LRRC7: variants seen among roughly 807,000 people sequenced by gnomAD.
The protein encoded by LRRC7 is leucine rich repeat containing 7.
A neutral mutation model predicts 175.7 loss-of-function variants in LRRC7; 23 were observed. The ratio of observed to expected loss-of-function variants is 0.13; its 90% CI spans 0.09 to 0.19. The LOEUF is 0.19. Ranked by LOEUF, LRRC7 falls within the 10% of genes least tolerant of loss-of-function variation. The probability of loss-of-function intolerance (pLI) is 1.00; values close to 1 mark genes in which losing one functional copy is unlikely to be tolerated. For synonymous variants in LRRC7, 685 were observed against 680.9 expected (o/e 1.01, Z -0.09); for missense variants, 1,354 against 1,904.7 (o/e 0.71, Z 5.38).
intron 24 of LRRC7, among the ~76,000 whole-genome samples, chr1:70,085,115 C>G (rs1464777454): frequency 6.6e-6 from 1 of 151,990 alleles, no homozygotes; most frequent in Non-Finnish European, 1.5e-5. Flanking sequence ...TTTTGATGGT[C>G]TTCTTTGAAG....
intron 5 of LRRC7, among the ~76,000 whole-genome samples, chr1:69,827,895 A>G (rs978298277): frequency 6.6e-6 from 1 of 152,136 alleles, no homozygotes; most frequent in African/African-American, 2.4e-5. Flanking sequence ...TAACAAATGT[A>G]TACAGTCATG....
chr1:69,947,607 A>G (rs962867711), intron 8 of LRRC7, among the ~76,000 whole-genome samples: 2 of 151,962 alleles, frequency 1.3e-5, no homozygotes, highest in Non-Finnish European at 2.9e-5. Context: ...TTATATATCT[A>G]TCAACTTATT....
At chr1:69,844,775 A>G (rs757794088) in intron 7 of LRRC7, among the ~76,000 whole-genome samples, 2 of 152,136 alleles carry the variant, frequency 1.3e-5, no homozygotes, top group African/African-American at 2.4e-5. Flanking sequence ...ATATTTTACC[A>G]TACTGTTTTC....
intron 1 of LRRC7, among the ~76,000 whole-genome samples, chr1:69,676,841 G>T (rs1659834127): frequency 6.6e-6 from 1 of 151,684 alleles, no homozygotes. Context: ...CACATGAATT[G>T]TATATTGGTG....
At chr1:70,115,532 A>G (rs1665795460) in intron 26 of LRRC7, among the ~76,000 whole-genome samples, 1 of 152,174 alleles carries the variant, frequency 6.6e-6, no homozygotes, top group Non-Finnish European at 1.5e-5. Context: ...CTCTGGAGCA[A>G]ATTTTGCTGA....
intron 23 of LRRC7, among the ~76,000 whole-genome samples, chr1:70,053,993 T>C (rs1346607335): frequency 1.3e-5 from 2 of 152,192 alleles, no homozygotes; most frequent in African/African-American, 4.8e-5. Context: ...CGTTTGTAGG[T>C]ATAAGAGCAA....
chr1:69,638,681 G>T (rs1653755932), intron 1 of LRRC7, among the ~76,000 whole-genome samples: 2 of 151,642 alleles, frequency 1.3e-5, no homozygotes, highest in African/African-American at 4.8e-5. Context: ...CTATTTCTTT[G>T]TTTTATGAAA....
chr1:70,045,423 T>C (rs1361807987), intron 22 of LRRC7, among the ~76,000 whole-genome samples: 2 of 152,110 alleles, frequency 1.3e-5, no homozygotes, highest in African/African-American at 2.4e-5. Flanking sequence ...CCAATACAAA[T>C]TGGCTCCAAC....
At chr1:69,791,612 TAAAC>T (rs1675131241) in intron 3 of LRRC7, among the ~76,000 whole-genome samples, 1 of 152,080 alleles carries the variant, frequency 6.6e-6, no homozygotes, top group Admixed American at 6.5e-5. Flanking sequence ...GCATATTTGA[TAAAC>T]AACTGTTCAA....
intron 1 of LRRC7, among the ~76,000 whole-genome samples, chr1:69,644,670 C>T (rs1268088414): frequency 1.3e-5 from 2 of 151,940 alleles, no homozygotes; most frequent in African/African-American, 2.4e-5. Context: ...AGAGTAAACA[C>T]TTCCCAATTA....
intron 7 of LRRC7, among the ~76,000 whole-genome samples, chr1:69,909,460 G>A (rs1230755892): frequency 6.6e-6 from 1 of 152,132 alleles, no homozygotes; most frequent in Non-Finnish European, 1.5e-5. Flanking sequence ...TTTTAGGGCA[G>A]GCCTGGGGGT....
chr1:69,716,233 AT>A, intron 2 of LRRC7: 1 of 474,798 alleles, frequency 2.1e-6, no homozygotes, highest in South Asian at 5.1e-5. Context: ...ATACTATATT[AT>A]TTTACTATGC....
At chr1:69,876,515 A>G (rs569237892) in intron 7 of LRRC7, among the ~76,000 whole-genome samples, 1 of 152,308 alleles carries the variant, frequency 6.6e-6, no homozygotes, top group East Asian at 1.9e-4. Flanking sequence ...ATTCCAGAAC[A>G]GATGGGTTTA....
At chr1:69,964,463 C>G (rs144891508) in intron 8 of LRRC7, among the ~76,000 whole-genome samples, 1 of 152,268 alleles carries the variant, frequency 6.6e-6, no homozygotes, top group Non-Finnish European at 1.5e-5. Flanking sequence ...GGGATGCTAC[C>G]CCACTCATTG....
chr1:69,989,688 A>G (rs1293743672), intron 10 of LRRC7, among the ~76,000 whole-genome samples: 1 of 152,132 alleles, frequency 6.6e-6, no homozygotes, highest in East Asian at 1.9e-4. Flanking sequence ...TTCCAGAAAT[A>G]CAGAACAGAA....
chr1:69,811,787 G>A (rs1169889963), intron 4 of LRRC7, among the ~76,000 whole-genome samples: 1 of 152,100 alleles, frequency 6.6e-6, no homozygotes, highest in Non-Finnish European at 1.5e-5. Context: ...GGAGGCTAGG[G>A]GAGGGATAGC....
intron 7 of LRRC7, among the ~76,000 whole-genome samples, chr1:69,868,910 T>C (rs1158896640): frequency 9.3e-6 from 1 of 107,266 alleles, no homozygotes; most frequent in Non-Finnish European, 2.1e-5. Flanking sequence ...TATGTATATA[T>C]GTACATATGT....
chr1:70,136,940 G>C lies in LRRC7; in HGVS notation c.*15053G>C, dbSNP rs1413215396. Reference sequence around the variant, plus strand: ...GAGTCTTGCTATGTTGCCCAGGCTGGTCTCGAACTCCTGAGCTCAAGTGAT... The same window carrying C: ...GAGTCTTGCTATGTTGCCCAGGCTGCTCTCGAACTCCTGAGCTCAAGTGAT... On this transcript the variant is annotated 3_prime_UTR_variant, in exon 27 of 27. Coordinates refer to ENST00000651989, the MANE Select transcript of LRRC7 (RefSeq NM_001370785.2). Among the ~76,000 whole-genome samples, 1 of 151,702 alleles carries C rather than the reference G, an allele frequency of 6.6e-6. No homozygotes were observed. The highest frequency in any genetic ancestry group is 1.5e-5 in the Non-Finnish European group (1 of 67,924).
At chr1:69,978,589 G>T (rs1653077494) in intron 8 of LRRC7, among the ~76,000 whole-genome samples, 1 of 152,076 alleles carries the variant, frequency 6.6e-6, no homozygotes, top group Non-Finnish European at 1.5e-5. Context: ...TTTCACAGCA[G>T]AATGCCATGT....
Sources: allele counts gnomAD v4.1 joint callset (sites outside exome capture counted in the v4.1 genomes callset), GRCh38; gene constraint gnomAD v4.1.1; transcripts MANE v1.5; gene names NCBI Gene and HGNC (gene_info 2026-07-23, HGNC 2026-07-21).